Variants in LYPLAL1 observed in about 807,000 individuals in gnomAD.
The protein encoded by LYPLAL1 is lysophospholipase-like protein 1.
In LYPLAL1, 23 loss-of-function variants were observed where a neutral mutation model predicts 19.7. The ratio of observed to expected loss-of-function variants is 1.17; its 90% confidence interval spans 0.84 to 1.65. The LOEUF (loss-of-function observed/expected upper bound fraction) is 1.65. Among genes scored for constraint, LYPLAL1 ranks in the 40% most tolerant of loss-of-function variants. The pLI is 0.00. For synonymous variants in LYPLAL1, 119 were observed against 96.3 expected (o/e 1.24, Z -1.38); for missense variants, 355 against 279.4 (o/e 1.27, Z -1.93).
the LYPLAL1 span, among the ~76,000 whole-genome samples, chr1:219,361,615 A>G: frequency 2.9e-3 from 440 of 152,254 alleles, 3 homozygotes; most frequent in Middle Eastern, 6.8e-3. Flanking sequence ...AAATATGTGC[A>G]CAAGAAAGGT....
chr1:219,369,164 C>T, the LYPLAL1 span, among the ~76,000 whole-genome samples: 8 of 152,336 alleles, frequency 5.3e-5, 1 homozygote, highest in Admixed American at 3.9e-4. Flanking sequence ...ATAAAAAAGA[C>T]TACTTCAGAC....
chr1:219,370,779 C>A, the LYPLAL1 span, among the ~76,000 whole-genome samples: 1 of 152,178 alleles, frequency 6.6e-6, no homozygotes, highest in Non-Finnish European at 1.5e-5. Flanking sequence ...CCCTGGCAGT[C>A]TTTCTGGGCC....
the LYPLAL1 span, among the ~76,000 whole-genome samples, chr1:219,388,065 C>T: frequency 3.3e-5 from 5 of 152,160 alleles, no homozygotes; most frequent in Admixed American, 1.3e-4. Flanking sequence ...GTTTTACCTC[C>T]TCCACTAATT....
the LYPLAL1 span, among the ~76,000 whole-genome samples, chr1:219,355,874 CA>C: frequency 2.0e-5 from 3 of 151,376 alleles, no homozygotes; most frequent in Non-Finnish European, 3.0e-5. Context: ...ATAAATAGGA[CA>C]AAAAATCAGA....
the LYPLAL1 span, among the ~76,000 whole-genome samples, chr1:219,331,393 G>C: frequency 6.6e-6 from 1 of 152,154 alleles, no homozygotes; most frequent in Admixed American, 6.6e-5. Flanking sequence ...GGTGGAGGTT[G>C]GCTGATCCAG....
the LYPLAL1 span, among the ~76,000 whole-genome samples, chr1:219,417,832 C>G: frequency 6.6e-6 from 1 of 152,236 alleles, no homozygotes; most frequent in African/African-American, 2.4e-5. Context: ...GGCAGTCATC[C>G]CTCTGGGCCT....
the LYPLAL1 span, among the ~76,000 whole-genome samples, chr1:219,218,623 A>G: frequency 6.6e-6 from 1 of 151,978 alleles, no homozygotes; most frequent in African/African-American, 2.4e-5. Context: ...TGATGTAAAC[A>G]TTTCAAGAAA....
the LYPLAL1 span, among the ~76,000 whole-genome samples, chr1:219,229,456 G>A: frequency 3.3e-4 from 51 of 152,266 alleles, no homozygotes; most frequent in African/African-American, 1.2e-3. Flanking sequence ...CCCATCTGCT[G>A]AGAGCTACTT....
At chr1:219,184,882 T>C (rs1332041632) in intron 2 of LYPLAL1, among the ~76,000 whole-genome samples, 1 of 151,932 alleles carries the variant, frequency 6.6e-6, no homozygotes, top group African/African-American at 2.4e-5. Context: ...AATATTGTTC[T>C]GTGATTTTCT....
At chr1:219,338,725 T>A in the LYPLAL1 span, among the ~76,000 whole-genome samples, 1 of 151,954 alleles carries the variant, frequency 6.6e-6, no homozygotes, top group Non-Finnish European at 1.5e-5. Context: ...AAAATGCACA[T>A]CTGAGCTCTC....
At chr1:219,290,670 G>C in the LYPLAL1 span, among the ~76,000 whole-genome samples, 3 of 152,068 alleles carry the variant, frequency 2.0e-5, no homozygotes, top group African/African-American at 7.2e-5. Flanking sequence ...CTGCGGAATA[G>C]CTATTCTTTC....
the LYPLAL1 span, among the ~76,000 whole-genome samples, chr1:219,397,333 T>G: frequency 6.6e-6 from 1 of 152,204 alleles, no homozygotes; most frequent in Non-Finnish European, 1.5e-5. Flanking sequence ...TTGTAGAGGA[T>G]TTTTGCATCA....
chr1:219,439,912 T>C, the LYPLAL1 span, among the ~76,000 whole-genome samples: 6,443 of 148,186 alleles, frequency 0.043, 227 homozygotes, highest in African/African-American at 0.098. Flanking sequence ...TATGGCATAA[T>C]CACACACAGA....
chr1:219,190,622 T>TAAAAAAA lies in LYPLAL1; in HGVS notation c.192-2446_192-2440dup, dbSNP rs35544870. Among the ~76,000 whole-genome samples the TAAAAAAA allele has an allele frequency of 2.3e-3, 194 of 85,932 alleles. 1 individual carries two copies. Among genetic ancestry groups the TAAAAAAA allele is most frequent in the Middle Eastern group, 0.011 (1 of 90 alleles). 56.4% of individuals were successfully genotyped at this position (85,932 alleles called of 152,430 possible). A position where few individuals can be genotyped will look rare whatever the true frequency, so the allele number is the denominator to read the frequency against. On this transcript the variant is annotated intron_variant, in intron 2 of 4. Coordinates refer to ENST00000366928, the MANE Select transcript of LYPLAL1 (RefSeq NM_138794.5). ...ATCAAATGTAGAGTCTTTTGTCCAG[T>TAAAAAAA]AAAAAAAAAAAAAAAAAAAACCCTT...
the LYPLAL1 span, among the ~76,000 whole-genome samples, chr1:219,347,888 G>A: frequency 6.6e-6 from 1 of 151,258 alleles, no homozygotes; most frequent in Non-Finnish European, 1.5e-5. Context: ...CCAGGCCCTT[G>A]AGCTCCCCCA....
the LYPLAL1 span, among the ~76,000 whole-genome samples, chr1:219,302,826 A>C: frequency 1.3e-5 from 2 of 152,096 alleles, no homozygotes; most frequent in African/African-American, 4.8e-5. Flanking sequence ...AAGATCTTCT[A>C]GGTCATTCCA....
At chr1:219,207,238 T>G (rs1658647379) in intron 3 of LYPLAL1, among the ~76,000 whole-genome samples, 1 of 152,052 alleles carries the variant, frequency 6.6e-6, no homozygotes, top group Non-Finnish European at 1.5e-5. Context: ...ATATTTTAAC[T>G]TTTTGTTTTT....
chr1:219,355,484 A>C, the LYPLAL1 span, among the ~76,000 whole-genome samples: 8 of 152,224 alleles, frequency 5.3e-5, no homozygotes, highest in African/African-American at 1.9e-4. Flanking sequence ...CTCTGTTAAA[A>C]GGCAAAGATT....
chr1:219,278,947 T>C, the LYPLAL1 span, among the ~76,000 whole-genome samples: 1 of 152,094 alleles, frequency 6.6e-6, no homozygotes, highest in Admixed American at 6.6e-5. Context: ...CATTACCAAA[T>C]ATCCATGGCA....
Sources: allele counts gnomAD v4.1 joint callset (sites outside exome capture counted in the v4.1 genomes callset), GRCh38; gene constraint gnomAD v4.1.1; transcripts MANE v1.5; gene names NCBI Gene and HGNC (gene_info 2026-07-23, HGNC 2026-07-21).